Variants in KMT2A observed in about 807,000 individuals in gnomAD.
KMT2A encodes lysine methyltransferase 2A, also known as histone-lysine N-methyltransferase 2A.
In KMT2A, 16 loss-of-function variants were observed where a neutral mutation model predicts 345.3. That is an observed-to-expected ratio of 0.05 (90% confidence interval 0.03 to 0.07). The LOEUF (loss-of-function observed/expected upper bound fraction) is 0.07. KMT2A is among the 10% of genes least tolerant of loss of function. KMT2A has a pLI of 1.00. For synonymous variants in KMT2A, 1,599 were observed against 1,778.6 expected (o/e 0.90, Z 2.54); for missense variants, 3,272 against 4,841.6 (o/e 0.68, Z 9.62).
chr11:118,505,728 C>T lies in KMT2A; in HGVS notation c.9836C>T (p.Thr3279Ile), dbSNP rs376986915. 4.3e-6 allele frequency: 7 copies of T among 1,614,084 alleles called. No individual in the cohort carries two copies. The highest frequency in any genetic ancestry group is 1.3e-5 in the African/African-American group (1 of 74,944). The change falls in exon 27 of 36, where the codon ACT (threonine) becomes ATT (isoleucine). Residue 3279 changes from threonine (T) to isoleucine (I), a missense_variant. By Grantham distance (89) the Thr-to-Ile change is moderately conservative. Coordinates refer to ENST00000534358, the MANE Select transcript of KMT2A (RefSeq NM_001197104.2). The surrounding 1 kb of genome is among the most constrained non-coding windows in gnomAD (Gnocchi z 4.6). ...CTGTTAGATTTGGGGTCACTTAATACTTCATCTCACCGAACTGTCCCCAAC... is the reference window on the plus strand; with the variant it reads ...CTGTTAGATTTGGGGTCACTTAATATTTCATCTCACCGAACTGTCCCCAAC... ...PSLLDLGSLNTSSHRTVPNII... is the reference protein window; with the variant it reads ...PSLLDLGSLNISSHRTVPNII...
Position 118,521,831 on chromosome 11 carries a change from G to A in KMT2A, c.11644-66G>A. 2 of 1,525,312 alleles carry A rather than the reference G, an allele frequency of 1.3e-6. No homozygotes were observed. The highest frequency in any genetic ancestry group is 2.3e-4 in the Middle Eastern group (1 of 4,444). 94.5% of individuals were successfully genotyped at this position (1,525,312 alleles called of 1,614,324 possible). A position where few individuals can be genotyped will look rare whatever the true frequency, so the allele number is the denominator to read the frequency against. ...TATAGGTAACATCAAGAGAAGATTGGGACATGTTCTTAAAGCTGAGTTTAT... is the reference window on the plus strand; with the variant it reads ...TATAGGTAACATCAAGAGAAGATTGAGACATGTTCTTAAAGCTGAGTTTAT... On this transcript the variant is annotated intron_variant, in intron 35 of 35. Coordinates refer to ENST00000534358, the MANE Select transcript of KMT2A (RefSeq NM_001197104.2). The surrounding 1 kb of genome is among the most constrained non-coding windows in gnomAD (Gnocchi z 5.3).
chr11:118,495,965 C>T lies in KMT2A; in HGVS notation c.5557+72C>T. Reference sequence around the variant, plus strand: ...GATGATTGACTTCGTGAATCCAATTCACTAAAATTAGATATACTTGGATAT... The same window carrying T: ...GATGATTGACTTCGTGAATCCAATTTACTAAAATTAGATATACTTGGATAT... On this transcript the variant is annotated intron_variant, in intron 19 of 35. Transcript: ENST00000534358. The surrounding 1 kb of genome is among the most constrained non-coding windows in gnomAD (Gnocchi z 4.1). The T allele has an allele frequency of 7.9e-7, 1 of 1,271,320 alleles. No individual in the cohort carries two copies. The highest frequency in any genetic ancestry group is 1.1e-6 in the Non-Finnish European group (1 of 906,986). 78.8% of individuals were successfully genotyped at this position (1,271,320 alleles called of 1,614,324 possible). A position where few individuals can be genotyped will look rare whatever the true frequency, so the allele number is the denominator to read the frequency against.
At position 118,523,218 on chromosome 11, in the gene KMT2A, G is replaced by A. The variant is rs529311706; in HGVS notation, c.*1046G>A. On this transcript the variant is annotated 3_prime_UTR_variant, in exon 36 of 36. Coordinates refer to ENST00000534358, the MANE Select transcript of KMT2A (RefSeq NM_001197104.2). ...AGTATCACAGCCAGGATGACCCTTG[G>A]GTCCCATTCCTAAGACATGGTTACT... 7 of 229,256 alleles carry A rather than the reference G, an allele frequency of 3.1e-5. No individual in the cohort carries two copies. In the East Asian group the frequency reaches 4.4e-4, roughly 14 times the overall value. The allele number at this position is 229,256 out of a possible 1,614,324, so 14.2% of individuals were successfully genotyped here.
intron 1 of KMT2A, among the ~76,000 whole-genome samples, chr11:118,446,545 T>C (rs1949425943): frequency 6.6e-6 from 1 of 152,236 alleles, no homozygotes; most frequent in South Asian, 2.1e-4. Context: ...CTCTCTACAC[T>C]GTGCTGTCTT....
rs1281389678 is a variant in KMT2A at position 118,488,278 on chromosome 11, G to A, written c.4333-336G>A. Among the ~76,000 whole-genome samples, 4 of 152,114 alleles carry A rather than the reference G, an allele frequency of 2.6e-5. No homozygotes were observed. The South Asian group carries it at 6.2e-4, about 24-fold the overall frequency. On this transcript the variant is annotated intron_variant, in intron 10 of 35. Transcript: ENST00000534358. ...AACTGTTTCGTATATTACAGAAAACGTTTAAACCCTCCCTATTTCCCCCAC... is the reference window on the plus strand; with the variant it reads ...AACTGTTTCGTATATTACAGAAAACATTTAAACCCTCCCTATTTCCCCCAC...
rs368675058 is a variant in KMT2A at position 118,440,552 on chromosome 11, C to T, written c.432+3608C>T. ...GTAACTAGTCTTCGTTTATTAATGT[C>T]ATAATCCAGTTACCTTCCCTACTAC... On this transcript the variant is annotated intron_variant, in intron 1 of 35. Coordinates refer to ENST00000534358, the MANE Select transcript of KMT2A (RefSeq NM_001197104.2). Among the ~76,000 whole-genome samples, 89 of 152,288 alleles carry T rather than the reference C, an allele frequency of 5.8e-4. 1 individual carries two copies. The highest frequency in any genetic ancestry group is 2.0e-3 in the African/African-American group (84 of 41,568).
chr11:118,504,617 C>G lies in KMT2A; in HGVS notation c.8725C>G (p.Pro2909Ala), dbSNP rs1555047319. ...VFSQQLPTTEPVDSSVSSSIS... is the reference protein window; with the variant it reads ...VFSQQLPTTEAVDSSVSSSIS... The stretch of plus-strand genomic sequence containing the variant: ...TTCTCAGCAGCTGCCTACAACAGAA[C>G]CTGTGGATAGTAGTGTCTCTTCCTC... The change falls in exon 27 of 36, where the codon CCT (proline) becomes GCT (alanine). Residue 2909 changes from proline to alanine, a missense_variant. By Grantham distance (27) the Pro-to-Ala change is conservative. Around this residue, in one of 27 missense-constraint regions of KMT2A, gnomAD observed 748 missense variants for 922.2 expected, o/e 0.81. Coordinates refer to ENST00000534358, the MANE Select transcript of KMT2A (RefSeq NM_001197104.2). The surrounding 1 kb of genome is among the most constrained non-coding windows in gnomAD (Gnocchi z 6.4). 6.2e-7 allele frequency: 1 copy of G among 1,614,104 alleles called. No homozygotes were observed. Among genetic ancestry groups the G allele is most frequent in the South Asian group, 1.1e-5 (1 of 91,084 alleles).
rs1380183965 is a variant in KMT2A at position 118,495,182 on chromosome 11, C to T, written c.5363+415C>T. On this transcript the variant is annotated intron_variant, in intron 18 of 35. Coordinates refer to ENST00000534358, the MANE Select transcript of KMT2A (RefSeq NM_001197104.2). This position sits in a 1 kb window ranked among gnomAD's most constrained non-coding sequence, Gnocchi z 4.1. ...TTTATTTATTTTTTTTTTTTTGAGACGGAGTCTCGTTCTGTCACCAGGCTG... is the reference window on the plus strand; with the variant it reads ...TTTATTTATTTTTTTTTTTTTGAGATGGAGTCTCGTTCTGTCACCAGGCTG... 9.5e-5 allele frequency among the ~76,000 whole-genome samples: 14 copies of T among 148,058 alleles called. No homozygotes were observed. The highest frequency in any genetic ancestry group is 2.5e-4 in the African/African-American group (10 of 39,674).
In KMT2A at chr11:118,501,108, G is replaced by A. The variant is rs782723872; in HGVS notation, c.6280G>A (p.Glu2094Lys). The change falls in exon 25 of 36, where the codon GAA becomes AAA. Residue 2094 changes from glutamate to lysine, a missense_variant. Physicochemically the swap from Glu to Lys is moderately conservative, Grantham distance 56. Around this residue, in one of 27 missense-constraint regions of KMT2A, gnomAD observed 235 missense variants for 503.4 expected, o/e 0.47. Coordinates refer to ENST00000534358, the MANE Select transcript of KMT2A (RefSeq NM_001197104.2). The part of the protein sequence containing the change: ...PDINSTVEHD[E>K]NRTIAHSPTS... The stretch of plus-strand genomic sequence containing the variant: ...TATCAACAGCACTGTTGAACATGAT[G>A]AAAACAGGACCATTGCCCATAGTCC... 26 of 1,614,106 alleles carry A rather than the reference G, an allele frequency of 1.6e-5. No homozygotes were observed. The highest frequency in any genetic ancestry group is 2.1e-5 in the Non-Finnish European group (25 of 1,180,004).
intron 1 of KMT2A, among the ~76,000 whole-genome samples, chr11:118,459,456 T>C (rs1036005779): frequency 1.3e-5 from 2 of 152,116 alleles, no homozygotes; most frequent in Admixed American, 6.6e-5. Context: ...TACCACTTAA[T>C]TAAGTGCTGT....
Position 118,482,439 on chromosome 11 carries a change from C to G in KMT2A, c.4030C>G (p.Gln1344Glu). 1 of 1,610,902 alleles carries G rather than the reference C, an allele frequency of 6.2e-7. No homozygotes were observed. The highest frequency in any genetic ancestry group is 1.1e-5 in the South Asian group (1 of 90,972). The change falls in exon 8 of 36, where the codon CAG (glutamine) becomes GAG (glutamate). Residue 1344 changes from glutamine (Q) to glutamate (E), a missense_variant. By Grantham distance (29) the Gln-to-Glu change is conservative (BLOSUM62 2). This residue lies in a region of KMT2A where 168 missense variants were observed against 216.0 expected (regional missense o/e 0.78). Coordinates refer to ENST00000534358, the MANE Select transcript of KMT2A (RefSeq NM_001197104.2). ...PPESGPEQSKQKKVAPRPSIP... is the reference protein window; with the variant it reads ...PPESGPEQSKEKKVAPRPSIP... ...TTTTTTAGGTCCAGAGCAGAGCAAA[C>G]AGAAAAAAGTGGCTCCCCGCCCAAG...
chr11:118,459,079 T>C (rs1383526907), intron 1 of KMT2A, among the ~76,000 whole-genome samples: 3 of 151,894 alleles, frequency 2.0e-5, no homozygotes, highest in Non-Finnish European at 2.9e-5. Flanking sequence ...CTCTTTTTTT[T>C]CCCCCCTTTG....
chr11:118,506,632 G>T lies in KMT2A; in HGVS notation c.10740G>T (p.Leu3580=). 1.2e-6 allele frequency: 2 copies of T among 1,601,342 alleles called. No homozygotes were observed. The highest frequency in any genetic ancestry group is 2.2e-5 in the South Asian group (2 of 89,048). ...AHIPDQETTS[L]TSGTGTPGAE... is the part of the protein sequence containing the mutation. ...TTCCAGACCAAGAAACGACATCCCTGACCTCAGGCACAGGGTGAGAGATCC... is the reference window on the plus strand; with the variant it reads ...TTCCAGACCAAGAAACGACATCCCTTACCTCAGGCACAGGGTGAGAGATCC... Residue 3580 remains leucine, a synonymous_variant, in exon 27 of 36, where the codon CTG becomes CTT. Coordinates refer to ENST00000534358, the MANE Select transcript of KMT2A (RefSeq NM_001197104.2).
chr11:118,478,882 A>G (rs1950083891), intron 5 of KMT2A, among the ~76,000 whole-genome samples: 1 of 152,142 alleles, frequency 6.6e-6, no homozygotes, highest in South Asian at 2.1e-4. Flanking sequence ...TTGGCCTCCC[A>G]AAGTACTGGG....
rs782595300 is a variant in KMT2A at position 118,504,951 on chromosome 11, G to C, written c.9059G>C (p.Gly3020Ala). ...PPCGSVEQGH[G>A]NNQDLTRNSS... The stretch of plus-strand genomic sequence containing the variant: ...TGTGGTTCAGTAGAGCAAGGTCATG[G>C]CAACAATCAGGATTTAACTAGGAAC... The change falls in exon 27 of 36, where the codon GGC (glycine) becomes GCC (alanine). Residue 3020 changes from glycine (G) to alanine (A), a missense_variant. By Grantham distance (60) the Gly-to-Ala change is moderately conservative. Around this residue, in one of 27 missense-constraint regions of KMT2A, gnomAD observed 748 missense variants for 922.2 expected, o/e 0.81. Transcript: ENST00000534358. The surrounding 1 kb of genome is among the most constrained non-coding windows in gnomAD (Gnocchi z 6.4). The C allele has an allele frequency of 1.7e-5, 28 of 1,614,014 alleles. No individual in the cohort carries two copies. The highest frequency in any genetic ancestry group is 2.4e-5 in the Non-Finnish European group (28 of 1,180,030).
At position 118,505,902 on chromosome 11, in the gene KMT2A, T is replaced by C; in HGVS notation, c.10010T>C (p.Leu3337Ser). 6.2e-7 allele frequency: 1 copy of C among 1,614,200 alleles called. No individual in the cohort carries two copies. Among genetic ancestry groups the C allele is most frequent in the Non-Finnish European group, 8.5e-7 (1 of 1,180,032 alleles). Residue 3337 changes from leucine to serine, a missense_variant, in exon 27 of 36, where the codon TTG becomes TCG. Leu to Ser is a moderately radical substitution (Grantham distance 145). Around this residue, in one of 27 missense-constraint regions of KMT2A, gnomAD observed 748 missense variants for 922.2 expected, o/e 0.81. Coordinates refer to ENST00000534358, the MANE Select transcript of KMT2A (RefSeq NM_001197104.2). This position sits in a 1 kb window ranked among gnomAD's most constrained non-coding sequence, Gnocchi z 4.6. ...SHLTSGSVSG[L>S]ASSSSVLNVV... is the part of the protein sequence containing the mutation. ...CTCACATCAGGGTCTGTGTCTGGCT[T>C]GGCATCCAGTTCCTCTGTCTTGAAT...
chr11:118,471,873 A>G lies in KMT2A; in HGVS notation c.714A>G (p.Gly238=). Residue 238 remains glycine, a synonymous_variant, in exon 3 of 36, where the codon GGA becomes GGG. Transcript: ENST00000534358. The stretch of plus-strand genomic sequence containing the variant: ...GAGTAAAAATCAAAATAACACATGG[A>G]AAGGACATTTCAGAGTTACCAAAGG... ...FPGVKIKITH[G]KDISELPKGN... The G allele has an allele frequency of 6.2e-7, 1 of 1,613,130 alleles. No individual in the cohort carries two copies. The highest frequency in any genetic ancestry group is 8.5e-7 in the Non-Finnish European group (1 of 1,179,706).
At position 118,503,294 on chromosome 11, in the gene KMT2A, A is replaced by C; in HGVS notation, c.7402A>C (p.Met2468Leu). Residue 2468 changes from methionine to leucine, a missense_variant, in exon 27 of 36, where the codon ATG becomes CTG. Met to Leu is a conservative substitution (Grantham distance 15). Transcript: ENST00000534358. The surrounding 1 kb of genome is among the most constrained non-coding windows in gnomAD (Gnocchi z 5.3). ...GGAAGGAAACTTGAAGCCAGAGTTT[A>C]TGGATGAGGTTTTGACTCCTGAGTA... ...GEEGNLKPEF[M>L]DEVLTPEYMG... 1 of 1,614,172 alleles carries C rather than the reference A, an allele frequency of 6.2e-7. No homozygotes were observed. The highest frequency in any genetic ancestry group is 8.5e-7 in the Non-Finnish European group (1 of 1,180,008).
chr11:118,497,932 A>G lies in KMT2A; in HGVS notation c.5665-4A>G. 1 of 1,607,114 alleles carries G rather than the reference A, an allele frequency of 6.2e-7. No homozygotes were observed. Among genetic ancestry groups the G allele is most frequent in the Non-Finnish European group, 8.5e-7 (1 of 1,174,434 alleles). On this transcript the variant is annotated splice_region_variant and splice_polypyrimidine_tract_variant and intron_variant, in intron 20 of 35. Transcript: ENST00000534358. The surrounding 1 kb of genome is among the most constrained non-coding windows in gnomAD (Gnocchi z 4.8). ...AGGAAAAAAGAAATCTCTTTATTTT[A>G]TAGGATGCTGGTCGTTTACTATATA... is the stretch of plus-strand genomic sequence containing the variant.
Sources: gnomAD v4.1 joint callset for allele counts (sites outside exome capture counted in the v4.1 genomes callset) on GRCh38, gnomAD v4.1.1 for gene constraint, gnomAD v4.1.1 regional missense constraint, Gnocchi (gnomAD v3.1) non-coding constraint, MANE v1.5 for transcripts, NCBI Gene and HGNC (gene_info 2026-07-23, HGNC 2026-07-21) for gene names.